DIP2C: variants seen among roughly 807,000 people sequenced by gnomAD.
DIP2C encodes the protein DIP2 acetate--CoA ligase C (putative).
In DIP2C, 33 loss-of-function variants were observed where a neutral mutation model predicts 192.4. That is an observed-to-expected ratio of 0.17 (90% CI 0.13 to 0.23). The LOEUF is 0.23. Ranked by LOEUF, DIP2C falls within the 10% of genes least tolerant of loss-of-function variation. The pLI is 1.00. For missense variants in DIP2C, 1,537 were observed against 2,110.1 expected (o/e 0.73, Z 5.32); for synonymous variants, 979 against 864.1 (o/e 1.13, Z -2.33).
At chr10:650,456 TTA>T (rs1188601128) in intron 1 of DIP2C, 1 of 707,540 alleles carries the variant, frequency 1.4e-6, no homozygotes, top group Non-Finnish European at 2.6e-6. Context: ...GGTGACCCGG[TTA>T]TCGTTCCTAA....
Position 606,368 on chromosome 10 carries a change from A to T in DIP2C, c.85+83126T>A, listed in dbSNP as rs984596522. ...ATTACCTGCTGTGATCTGAATTCTCATTGGTTGGGAGGGGATCTCACGGCC... is the reference window on the plus strand; with the variant it reads ...ATTACCTGCTGTGATCTGAATTCTCTTTGGTTGGGAGGGGATCTCACGGCC... On this transcript the variant is annotated intron_variant, in intron 1 of 36. Coordinates refer to ENST00000280886, the MANE Select transcript of DIP2C (RefSeq NM_014974.3). Among the ~76,000 whole-genome samples, 140 of 151,034 alleles carry T rather than the reference A, an allele frequency of 9.3e-4. 1 individual carries two copies. The highest frequency in any genetic ancestry group is 3.1e-3 in the African/African-American group (126 of 41,276).
At chr10:331,616 A>C (rs893486730) in intron 29 of DIP2C, among the ~76,000 whole-genome samples, 1 of 152,258 alleles carries the variant, frequency 6.6e-6, no homozygotes, top group Non-Finnish European at 1.5e-5. Flanking sequence ...TATTTAAAAC[A>C]TGAGAGAGGA....
intron 29 of DIP2C, among the ~76,000 whole-genome samples, chr10:330,728 G>A (rs1243040744): frequency 6.8e-6 from 1 of 147,050 alleles, no homozygotes; most frequent in Non-Finnish European, 1.5e-5. Context: ...ATCCTCTCTT[G>A]TTCCTGCTGT....
chr10:406,934 G>C (rs1343089713), intron 9 of DIP2C, among the ~76,000 whole-genome samples: 1 of 152,066 alleles, frequency 6.6e-6, no homozygotes, highest in African/African-American at 2.4e-5. Flanking sequence ...CCCAGGAACA[G>C]AAGACAGCAG....
In DIP2C at chr10:398,417, G is replaced by A. The variant is rs142468934; in HGVS notation, c.1260+692C>T. On this transcript the variant is annotated intron_variant, in intron 10 of 36. Coordinates refer to ENST00000280886, the MANE Select transcript of DIP2C (RefSeq NM_014974.3). ...CTGTGACCTGGAAGGCCCCCACTGC[G>A]GCTTCAAGCTGTCCCACCTTTCTAG... 1.2e-4 allele frequency among the ~76,000 whole-genome samples: 18 copies of A among 152,252 alleles called. No homozygotes were observed. In the East Asian group the frequency reaches 2.1e-3, roughly 18 times the overall value.
At position 350,195 on chromosome 10, in the gene DIP2C, T is replaced by TG. The variant is rs1379284051; in HGVS notation, c.2986-742dup. Among the ~76,000 whole-genome samples the TG allele has an allele frequency of 2.0e-5, 3 of 152,042 alleles. No individual in the cohort carries two copies. In the East Asian group the frequency reaches 5.8e-4, roughly 29 times the overall value. On this transcript the variant is annotated intron_variant, in intron 24 of 36. Transcript: ENST00000280886. The stretch of plus-strand genomic sequence containing the variant: ...ACCTGCTGGGCTCAAGCAATTCTGC[T>TG]GCCTCAGCCCCAAGTAGCTGGGACT...
At chr10:635,231 C>G (rs1301552804) in intron 1 of DIP2C, among the ~76,000 whole-genome samples, 1 of 152,230 alleles carries the variant, frequency 6.6e-6, no homozygotes, top group East Asian at 1.9e-4. Flanking sequence ...CAAGGCAAAT[C>G]CACCTGTGAA....
At chr10:496,879 C>T (rs1490795199) in intron 1 of DIP2C, among the ~76,000 whole-genome samples, 1 of 152,220 alleles carries the variant, frequency 6.6e-6, no homozygotes, top group Non-Finnish European at 1.5e-5. Flanking sequence ...AATCCCAGCA[C>T]TATGGAAGGC....
chr10:333,394 C>G (rs535297396), intron 29 of DIP2C, among the ~76,000 whole-genome samples: 1 of 152,308 alleles, frequency 6.6e-6, no homozygotes, highest in South Asian at 2.1e-4. Flanking sequence ...GCCCTAGCCC[C>G]AGTCATCATT....
intron 13 of DIP2C, 39 bp from the exon 14 acceptor site, chr10:387,848 C>T (rs546158466): frequency 1.2e-6 from 2 of 1,606,444 alleles, no homozygotes; most frequent in Non-Finnish European, 1.7e-6. Context: ...TTACTTAGGA[C>T]AGGGCGGCAA....
chr10:359,469 CTG>C (rs977233007), intron 22 of DIP2C, among the ~76,000 whole-genome samples: 1 of 152,196 alleles, frequency 6.6e-6, no homozygotes, highest in Admixed American at 6.5e-5. Context: ...AGTCTGGACT[CTG>C]TGTAACAGTA....
At chr10:508,723 C>A (rs920252396) in intron 1 of DIP2C, among the ~76,000 whole-genome samples, 1 of 152,130 alleles carries the variant, frequency 6.6e-6, no homozygotes, top group Non-Finnish European at 1.5e-5. Flanking sequence ...TTGCTTGCTG[C>A]CACCCTAACC....
intron 32 of DIP2C, among the ~76,000 whole-genome samples, chr10:297,437 A>T (rs906248520): frequency 6.7e-6 from 1 of 149,560 alleles, no homozygotes; most frequent in Non-Finnish European, 1.5e-5. Flanking sequence ...GGAGTCCAAC[A>T]GCAGATGAAT....
chr10:357,124 G>A (rs551039174), intron 23 of DIP2C, among the ~76,000 whole-genome samples: 4 of 152,262 alleles, frequency 2.6e-5, no homozygotes, highest in South Asian at 4.1e-4. Context: ...AACATTTCAC[G>A]GTGCTGATTT....
chr10:505,885 C>A (rs571500166), intron 1 of DIP2C, among the ~76,000 whole-genome samples: 1 of 152,230 alleles, frequency 6.6e-6, no homozygotes, highest in African/African-American at 2.4e-5. Context: ...TGTGCCTACA[C>A]TGACAGCTAC....
chr10:522,472 T>C (rs1220768604), intron 1 of DIP2C, among the ~76,000 whole-genome samples: 1 of 152,220 alleles, frequency 6.6e-6, no homozygotes, highest in Non-Finnish European at 1.5e-5. Context: ...AGTGCTTAGT[T>C]CCATGGGAAA....
chr10:503,307 G>T (rs1203519080), intron 1 of DIP2C, among the ~76,000 whole-genome samples: 1 of 152,254 alleles, frequency 6.6e-6, no homozygotes, highest in Non-Finnish European at 1.5e-5. Flanking sequence ...ACATGAAAGG[G>T]AAAGAAACAG....
chr10:676,209 C>T (rs1194345575), intron 1 of DIP2C, among the ~76,000 whole-genome samples: 4 of 152,106 alleles, frequency 2.6e-5, no homozygotes, highest in Non-Finnish European at 5.9e-5. Flanking sequence ...TAAAATTCAG[C>T]GCTGCTTCAT....
At chr10:327,476 C>T (rs532902797) in intron 30 of DIP2C, among the ~76,000 whole-genome samples, 6 of 152,294 alleles carry the variant, frequency 3.9e-5, no homozygotes, top group South Asian at 2.1e-4. Context: ...CTGGCTGAGA[C>T]GATGAAAGGC....
Sources: gnomAD v4.1 joint callset for allele counts (sites outside exome capture counted in the v4.1 genomes callset) on GRCh38, gnomAD v4.1.1 for gene constraint, MANE v1.5 for transcripts, NCBI Gene and HGNC (gene_info 2026-07-23, HGNC 2026-07-21) for gene names.